The following DIPK1B variants were observed in gnomAD, a reference collection of about 807,000 sequenced individuals.
DIPK1B encodes divergent protein kinase domain 1B, also known as family with sequence similarity 69 member B.
A neutral mutation model predicts 20.7 loss-of-function variants in DIPK1B; 17 were observed. The observed-to-expected ratio is 0.82, with a 90% confidence interval of 0.56 to 1.23. DIPK1B has a LOEUF of 1.23. Ranked by LOEUF, DIPK1B falls within the 50% of genes most tolerant of loss-of-function variation. DIPK1B has a pLI of 0.00. For synonymous variants in DIPK1B, 343 were observed against 276.5 expected (o/e 1.24, Z -2.39); for missense variants, 648 against 601.8 (o/e 1.08, Z -0.80).
chr9:136,717,735 G>A (rs1846520653), intron 2 of DIPK1B, 24 bp downstream of exon 2: 16 of 1,609,764 alleles, frequency 9.9e-6, no homozygotes, highest in Non-Finnish European at 1.3e-5. Flanking sequence ...GTGCGGGCTG[G>A]GGACTGGGCC....
chr9:136,723,782 G>C lies in DIPK1B; in HGVS notation c.*8G>C, dbSNP rs776969620. 6.5e-7 allele frequency: 1 copy of C among 1,532,964 alleles called. No individual in the cohort carries two copies. The highest frequency in any genetic ancestry group is 8.7e-7 in the Non-Finnish European group (1 of 1,145,946). The allele number at this position is 1,532,964 out of a possible 1,614,324, so 95.0% of individuals were successfully genotyped here. ...AACACCAAGTACTCTTGATGGGGCAGTGAGGGGCCTGGCCACCCTTCCTGG... is the reference window on the plus strand; with the variant it reads ...AACACCAAGTACTCTTGATGGGGCACTGAGGGGCCTGGCCACCCTTCCTGG... On this transcript the variant is annotated 3_prime_UTR_variant, in exon 5 of 5. Transcript: ENST00000371692.
intron 2 of DIPK1B, among the ~76,000 whole-genome samples, chr9:136,719,282 G>A (rs1397240816): frequency 6.6e-6 from 1 of 152,134 alleles, no homozygotes; most frequent in Non-Finnish European, 1.5e-5. Context: ...GTTTCCCAGG[G>A]TGCCCTGGCC....
At chr9:136,713,838 T>G (rs1846459776) in intron 1 of DIPK1B, among the ~76,000 whole-genome samples, 1 of 152,216 alleles carries the variant, frequency 6.6e-6, no homozygotes, top group Admixed American at 6.5e-5. Flanking sequence ...GGGCCTCAGT[T>G]TCCTGGCCTT....
rs377037940 is a variant in DIPK1B at position 136,723,442 on chromosome 9, G to A, written c.964G>A (p.Glu322Lys). The A allele has an allele frequency of 3.2e-5, 52 of 1,611,672 alleles. No individual in the cohort carries two copies. Among genetic ancestry groups the A allele is most frequent in the South Asian group, 1.4e-4 (13 of 91,016 alleles). The part of the protein sequence containing the change: ...KMADLQQVAP[E>K]ATVRRFLQGR... ...GGCCGACCTGCAGCAGGTGGCACCCGAGGCCACCGTGCGCCGCTTCCTGCA... is the reference window on the plus strand; with the variant it reads ...GGCCGACCTGCAGCAGGTGGCACCCAAGGCCACCGTGCGCCGCTTCCTGCA... The change falls in exon 5 of 5, where the codon GAG (glutamate) becomes AAG (lysine). Residue 322 changes from glutamate to lysine, a missense_variant. Coordinates refer to ENST00000371692, the MANE Select transcript of DIPK1B (RefSeq NM_152421.4).
At chr9:136,713,454 C>T (rs1397520306) in intron 1 of DIPK1B, among the ~76,000 whole-genome samples, 22 of 152,250 alleles carry the variant, frequency 1.4e-4, no homozygotes, top group Admixed American at 1.3e-3. Context: ...AGGAGGAACC[C>T]TGCCTGCGTC....
At position 136,723,106 on chromosome 9, in the gene DIPK1B, C is replaced by T. The variant is rs1475378587; in HGVS notation, c.628C>T (p.Leu210=). 8 of 1,613,490 alleles carry T rather than the reference C, an allele frequency of 5.0e-6. 1 individual carries two copies. The highest frequency in any genetic ancestry group is 6.8e-6 in the Non-Finnish European group (8 of 1,180,054). Residue 210 remains leucine, a synonymous_variant, in exon 5 of 5, where the codon CTG becomes TTG. Transcript: ENST00000371692. ...LLQRNEFLLL[L]SLQEKEHASR... is the part of the protein sequence containing the mutation. ...GCAGCGTAACGAGTTCCTGCTGCTG[C>T]TGTCCCTGCAGGAGAAGGAGCACGC... is the stretch of plus-strand genomic sequence containing the variant.
intron 4 of DIPK1B, chr9:136,722,718 G>A (rs578043403): frequency 3.4e-6 from 2 of 594,202 alleles, no homozygotes; most frequent in Admixed American, 3.1e-5. Flanking sequence ...AGCTCCCCAG[G>A]TGCACCCAAG....
intron 4 of DIPK1B, chr9:136,722,632 T>C (rs1335713902): frequency 1.1e-5 from 6 of 562,080 alleles, no homozygotes; most frequent in East Asian, 3.0e-5. Context: ...CTTCAGCCAG[T>C]GCGTGCCCTC....
Position 136,723,053 on chromosome 9 carries a change from C to T in DIPK1B, c.575C>T (p.Ala192Val), listed in dbSNP as rs772037078. 6.8e-6 allele frequency: 11 copies of T among 1,613,380 alleles called. No individual in the cohort carries two copies. The highest frequency in any genetic ancestry group is 4.5e-5 in the East Asian group (2 of 44,902). ...DFNKDNRVSL[A>V]EAKSVWALLQ... ...AACAAGGACAACCGGGTGTCCCTGG[C>T]GGAAGCCAAGTCCGTGTGGGCCCTG... The change falls in exon 5 of 5, where the codon GCG becomes GTG. Residue 192 changes from alanine to valine, a missense_variant. By Grantham distance (64) the Ala-to-Val change is moderately conservative. Coordinates refer to ENST00000371692, the MANE Select transcript of DIPK1B (RefSeq NM_152421.4).
rs569053721 is a variant in DIPK1B at position 136,723,939 on chromosome 9, G to T, written c.*165G>T. 1.5e-5 allele frequency: 11 copies of T among 724,382 alleles called. No individual in the cohort carries two copies. The highest frequency in any genetic ancestry group is 1.4e-4 in the East Asian group (5 of 36,728). The allele number at this position is 724,382 out of a possible 1,614,324, so 44.9% of individuals were successfully genotyped here. On this transcript the variant is annotated 3_prime_UTR_variant, in exon 5 of 5. Coordinates refer to ENST00000371692, the MANE Select transcript of DIPK1B (RefSeq NM_152421.4). The stretch of plus-strand genomic sequence containing the variant: ...CCAGCACCACAGACATGAGACCCCA[G>T]CTCGGAGCAAAGGCGGACATGGACA...
chr9:136,720,859 C>T, intron 2 of DIPK1B: 1 of 152,040 alleles, frequency 6.6e-6, no homozygotes, highest in Middle Eastern at 3.2e-3. Context: ...GAGCCCTGTC[C>T]TGGCTGCACT....
chr9:136,721,723 G>A (rs1487948107), intron 2 of DIPK1B, 198 bp from the exon 3 acceptor site: 3 of 584,746 alleles, frequency 5.1e-6, no homozygotes, highest in Non-Finnish European at 6.1e-6. Context: ...GGTTGGCGGG[G>A]CTGCCCCTGC....
chr9:136,722,649 G>C, intron 4 of DIPK1B: 2 of 563,480 alleles, frequency 3.5e-6, no homozygotes, highest in South Asian at 4.5e-5. Context: ...CCTCTGCCCT[G>C]TGCCGATTCT....
chr9:136,719,611 G>T lies in DIPK1B; in HGVS notation c.198+1900G>T, dbSNP rs374411252. Among the ~76,000 whole-genome samples the T allele has an allele frequency of 3.3e-5, 5 of 152,328 alleles. No homozygotes were observed. The South Asian group carries it at 6.2e-4, about 19-fold the overall frequency. ...CTGGGCGGTGAGGGGACCGATGTGC[G>T]GCAAGGGCCCTGAGGAGGCCAAGCA... On this transcript the variant is annotated intron_variant, in intron 2 of 4. Transcript: ENST00000371692.
chr9:136,720,047 G>C (rs1223848589), intron 2 of DIPK1B, among the ~76,000 whole-genome samples: 1 of 150,992 alleles, frequency 6.6e-6, no homozygotes, highest in Non-Finnish European at 1.5e-5. Context: ...GGCTGGTCTG[G>C]GGCTCCGGGT....
Position 136,717,717 on chromosome 9 carries a change from T to A in DIPK1B, c.198+6T>A. ...ATGTCTGCCAGGTGGTCATTGTAAG[T>A]GTTGCTTGTGCGGGCTGGGGACTGG... On this transcript the variant is annotated splice_donor_region_variant and intron_variant, in intron 2 of 4. Coordinates refer to ENST00000371692, the MANE Select transcript of DIPK1B (RefSeq NM_152421.4). 1 of 1,610,880 alleles carries A rather than the reference T, an allele frequency of 6.2e-7. No individual in the cohort carries two copies. The highest frequency in any genetic ancestry group is 1.7e-4 in the Middle Eastern group (1 of 6,060).
At chr9:136,719,063 G>A (rs1310484072) in intron 2 of DIPK1B, among the ~76,000 whole-genome samples, 1 of 151,788 alleles carries the variant, frequency 6.6e-6, no homozygotes, top group Non-Finnish European at 1.5e-5. Flanking sequence ...GGGTGGGGAA[G>A]GCTGTGCCCC....
intron 4 of DIPK1B, 132 bp downstream of exon 4, chr9:136,722,433 TCCCCCAG>T: frequency 9.4e-7 from 1 of 1,063,846 alleles, no homozygotes; most frequent in Non-Finnish European, 1.3e-6. Context: ...AGACCTCCCA[TCCCCCAG>T]CCCCTGGGCA....
Position 136,712,759 on chromosome 9 carries a change from C to T in DIPK1B, c.63+31C>T. On this transcript the variant is annotated intron_variant, in intron 1 of 4. Coordinates refer to ENST00000371692, the MANE Select transcript of DIPK1B (RefSeq NM_152421.4). The surrounding 1 kb of genome is among the most constrained non-coding windows in gnomAD (Gnocchi z 5.6). ...CGCGGTGCGCGCCCGCCGCCCCCGGCCGCCTCTGCCTGGGGAGGCCGAGCT... is the reference window on the plus strand; with the variant it reads ...CGCGGTGCGCGCCCGCCGCCCCCGGTCGCCTCTGCCTGGGGAGGCCGAGCT... 2.3e-6 allele frequency: 3 copies of T among 1,311,682 alleles called. No homozygotes were observed. The highest frequency in any genetic ancestry group is 3.1e-5 in the East Asian group (1 of 32,264). The allele number at this position is 1,311,682 out of a possible 1,614,324, so 81.3% of individuals were successfully genotyped here. A position where few individuals can be genotyped will look rare whatever the true frequency, so the allele number is the denominator to read the frequency against.
Sources: gnomAD v4.1 joint callset for allele counts (sites outside exome capture counted in the v4.1 genomes callset) on GRCh38, gnomAD v4.1.1 for gene constraint, Gnocchi (gnomAD v3.1) non-coding constraint, MANE v1.5 for transcripts, NCBI Gene and HGNC (gene_info 2026-07-23, HGNC 2026-07-21) for gene names.